Variants in LRRC4C observed in about 807,000 individuals in gnomAD.
LRRC4C encodes the protein leucine-rich repeat-containing protein 4C.
In LRRC4C, 5 loss-of-function variants were observed where a neutral mutation model predicts 33.6. The observed-to-expected ratio is 0.15, with a 90% CI of 0.08 to 0.31. The LOEUF is 0.31. Among genes scored for constraint, LRRC4C ranks in the 10% least tolerant of loss-of-function variants. The pLI is 1.00. For synonymous variants in LRRC4C, 329 were observed against 302.0 expected (o/e 1.09, Z -0.93); for missense variants, 560 against 796.7 (o/e 0.70, Z 3.58).
chr11:40,648,333 G>A (rs138215367), intron 2 of LRRC4C, 55 bp from the exon 3 acceptor site: 3 of 152,054 alleles, frequency 2.0e-5, no homozygotes, highest in African/African-American at 7.2e-5. Context: ...GTCAATAAAT[G>A]CTGGTAGATT....
intron 1 of LRRC4C, among the ~76,000 whole-genome samples, chr11:41,034,433 AACACAC>A (rs3067314): frequency 3.5e-4 from 49 of 139,154 alleles, no homozygotes; most frequent in African/African-American, 9.5e-4. Context: ...GAACAATCCA[AACACAC>A]ACACACACAC....
At chr11:40,285,404 A>G (rs1335199047) in intron 4 of LRRC4C, among the ~76,000 whole-genome samples, 1 of 152,226 alleles carries the variant, frequency 6.6e-6, no homozygotes, top group Non-Finnish European at 1.5e-5. Context: ...GATCAAACAC[A>G]AGAAGGACTA....
At chr11:41,214,259 A>T (rs566260900) in intron 1 of LRRC4C, among the ~76,000 whole-genome samples, 2 of 152,264 alleles carry the variant, frequency 1.3e-5, no homozygotes, top group East Asian at 3.9e-4. Flanking sequence ...CCAAGTGAGA[A>T]GAAAATAACC....
chr11:40,907,978 A>G (rs183665522), intron 2 of LRRC4C, among the ~76,000 whole-genome samples: 47 of 152,312 alleles, frequency 3.1e-4, no homozygotes, highest in African/African-American at 1.0e-3. Flanking sequence ...GTGAAATTAT[A>G]TCCACTGAAA....
At chr11:40,168,883 C>T (rs995549483) in intron 5 of LRRC4C, among the ~76,000 whole-genome samples, 5 of 152,116 alleles carry the variant, frequency 3.3e-5, no homozygotes, top group African/African-American at 1.2e-4. Flanking sequence ...CAGTGCTGCC[C>T]CAACACACTG....
At chr11:40,464,533 A>T (rs1222899889) in intron 3 of LRRC4C, among the ~76,000 whole-genome samples, 1 of 152,050 alleles carries the variant, frequency 6.6e-6, no homozygotes, top group Non-Finnish European at 1.5e-5. Context: ...AGGAAGTTGA[A>T]TTATCCTTTT....
chr11:40,229,508 A>T (rs1005370263), intron 5 of LRRC4C, among the ~76,000 whole-genome samples: 2 of 152,066 alleles, frequency 1.3e-5, no homozygotes, highest in Admixed American at 1.3e-4. Flanking sequence ...CCTGACCTCA[A>T]ATAATCCACC....
At chr11:41,202,593 G>A (rs1162441088) in intron 1 of LRRC4C, among the ~76,000 whole-genome samples, 1 of 151,998 alleles carries the variant, frequency 6.6e-6, no homozygotes, top group African/African-American at 2.4e-5. Context: ...GAGGTTCAGT[G>A]ATTTGCTAAA....
chr11:41,203,981 G>C (rs905208260), intron 1 of LRRC4C, among the ~76,000 whole-genome samples: 3 of 152,048 alleles, frequency 2.0e-5, no homozygotes, highest in African/African-American at 7.2e-5. Context: ...TTCTCTTTGT[G>C]AAACAGCCAC....
intron 1 of LRRC4C, among the ~76,000 whole-genome samples, chr11:41,281,473 A>G (rs985905053): frequency 6.6e-6 from 1 of 152,206 alleles, no homozygotes; most frequent in Non-Finnish European, 1.5e-5. Context: ...ATGAGTCTCA[A>G]AAATGATACA....
intron 1 of LRRC4C, among the ~76,000 whole-genome samples, chr11:41,134,838 C>T (rs1226310618): frequency 1.3e-5 from 2 of 151,942 alleles, no homozygotes; most frequent in African/African-American, 4.8e-5. Flanking sequence ...GGATACAATC[C>T]AACTAATAAC....
intron 1 of LRRC4C, among the ~76,000 whole-genome samples, chr11:40,970,918 G>A (rs1245402880): frequency 2.0e-5 from 3 of 152,156 alleles, no homozygotes; most frequent in Admixed American, 6.5e-5. Flanking sequence ...CAGGGTATCC[G>A]GTGGAAGAAA....
chr11:40,881,376 A>C (rs1488992990), intron 2 of LRRC4C, among the ~76,000 whole-genome samples: 1 of 152,166 alleles, frequency 6.6e-6, no homozygotes, highest in African/African-American at 2.4e-5. Context: ...GGCCATTAGC[A>C]ACTCATACAC....
intron 2 of LRRC4C, among the ~76,000 whole-genome samples, chr11:40,731,960 C>CT (rs1398007659): frequency 6.6e-6 from 1 of 151,734 alleles, no homozygotes; most frequent in African/African-American, 2.4e-5. Flanking sequence ...TTGCATGGAC[C>CT]TTTTTTGAAA....
chr11:41,035,139 G>A (rs920047487), intron 1 of LRRC4C, among the ~76,000 whole-genome samples: 27 of 151,008 alleles, frequency 1.8e-4, no homozygotes, highest in African/African-American at 5.8e-4. Flanking sequence ...GCAGCGAGCC[G>A]ATATTGTGCC....
intron 1 of LRRC4C, among the ~76,000 whole-genome samples, chr11:41,128,172 G>A (rs1275959837): frequency 6.6e-6 from 1 of 151,950 alleles, no homozygotes; most frequent in Admixed American, 6.6e-5. Context: ...TATCATTCAG[G>A]CCTTCAATTT....
intron 1 of LRRC4C, among the ~76,000 whole-genome samples, chr11:41,086,620 AAG>A (rs1432205389): frequency 2.0e-5 from 3 of 152,128 alleles, no homozygotes; most frequent in Non-Finnish European, 2.9e-5. Context: ...TTAATATGAA[AAG>A]AGTTTTAAAT....
At chr11:40,419,697 TG>T (rs1950452909) in intron 3 of LRRC4C, among the ~76,000 whole-genome samples, 1 of 152,228 alleles carries the variant, frequency 6.6e-6, no homozygotes, top group African/African-American at 2.4e-5. Flanking sequence ...AGGGAAACTT[TG>T]CTTTTCACCA....
chr11:41,108,179 C>T (rs79713252), intron 1 of LRRC4C, among the ~76,000 whole-genome samples: 2,883 of 152,068 alleles, frequency 0.019, 93 homozygotes, highest in African/African-American at 0.065. Flanking sequence ...TTCTAATTCC[C>T]CTAGTCTTTT....
Sources: gnomAD v4.1 joint callset for allele counts (sites outside exome capture counted in the v4.1 genomes callset) on GRCh38, gnomAD v4.1.1 for gene constraint, MANE v1.5 for transcripts, NCBI Gene and HGNC (gene_info 2026-07-23, HGNC 2026-07-21) for gene names.